CALCOCO1: variants seen among roughly 807,000 people sequenced by gnomAD.
CALCOCO1 encodes the protein calcium-binding and coiled-coil domain-containing protein 1.
In CALCOCO1, 44 loss-of-function variants were observed where a neutral mutation model predicts 86.3. That is an observed-to-expected ratio of 0.51 (90% CI 0.40 to 0.66). CALCOCO1 has a LOEUF of 0.66. Among genes scored for constraint, CALCOCO1 ranks in the 30% least tolerant of loss-of-function variants. CALCOCO1 has a pLI of 0.00. For missense variants in CALCOCO1, 708 were observed against 851.1 expected, an observed-to-expected ratio of 0.83 and a Z score of 2.09; for synonymous variants, 297 against 327.6, an observed-to-expected ratio of 0.91 and a Z score of 1.01.
Position 53,714,707 on chromosome 12 carries a change from GC to G in CALCOCO1, c.1387-15del. On this transcript the variant is annotated splice_polypyrimidine_tract_variant and intron_variant, in intron 10 of 14. Coordinates refer to ENST00000550804, the MANE Select transcript of CALCOCO1 (RefSeq NM_020898.3). Reference sequence around the variant, plus strand: ...TGACAACTGTACCTGAGGGAAGAGGGCCCAATGGAATCTGGAGCCTAGAATG... The same window carrying G: ...TGACAACTGTACCTGAGGGAAGAGGGCCAATGGAATCTGGAGCCTAGAATG... The G allele has an allele frequency of 6.3e-7, 1 of 1,594,478 alleles. No individual in the cohort carries two copies. The highest frequency in any genetic ancestry group is 8.6e-7 in the Non-Finnish European group (1 of 1,163,486).
At chr12:53,713,024 T>C in intron 14 of CALCOCO1, 76 bp downstream of exon 14, 1 of 1,396,614 alleles carries the variant, frequency 7.2e-7, no homozygotes, top group Non-Finnish European at 1.0e-6. Flanking sequence ...GAGCAGGGCC[T>C]GGTGACTGTC....
intron 5 of CALCOCO1, 64 bp from the exon 6 acceptor site, chr12:53,721,679 A>C (rs1945871664): frequency 6.3e-7 from 1 of 1,589,792 alleles, no homozygotes; most frequent in African/African-American, 1.4e-5. Context: ...TGGTGGAACA[A>C]AGGCTTAGGA....
intron 14 of CALCOCO1, chr12:53,712,884 T>G: frequency 1.4e-6 from 2 of 1,463,982 alleles, no homozygotes; most frequent in Non-Finnish European, 1.8e-6. Flanking sequence ...GCAGGACCTC[T>G]GAGTGCATTG....
intron 1 of CALCOCO1, chr12:53,726,153 T>C (rs1359327161): frequency 6.6e-6 from 1 of 152,070 alleles, no homozygotes; most frequent in Non-Finnish European, 1.5e-5. Flanking sequence ...AGTGGAAATG[T>C]ATATTTAACG....
At chr12:53,722,806 AT>A (rs1380181720) in intron 4 of CALCOCO1, 1 of 383,530 alleles carries the variant, frequency 2.6e-6, no homozygotes, top group Non-Finnish European at 5.1e-6. Context: ...CATCTGTAAC[AT>A]GATCCCTTAG....
rs11832171 is a variant in CALCOCO1 at position 53,713,621 on chromosome 12, G to A, written c.1791+80C>T. On this transcript the variant is annotated intron_variant, in intron 13 of 14. Transcript: ENST00000550804. Reference sequence around the variant, plus strand: ...GCAGAGGCTGCAGTGAGCCAAGATCGTGCTGCACTCCAGGCTGGGACACTT... The same window carrying A: ...GCAGAGGCTGCAGTGAGCCAAGATCATGCTGCACTCCAGGCTGGGACACTT... The A allele has an allele frequency of 2.4e-3, 3,117 of 1,283,300 alleles. 73 individuals carry two copies. In the African/African-American group the frequency reaches 0.039, roughly 16 times the overall value. 79.5% of individuals were successfully genotyped at this position (1,283,300 alleles called of 1,614,324 possible). A position where few individuals can be genotyped will look rare whatever the true frequency, so the allele number is the denominator to read the frequency against.
chr12:53,718,003 C>A (rs1945771714), intron 7 of CALCOCO1, among the ~76,000 whole-genome samples: 1 of 152,142 alleles, frequency 6.6e-6, no homozygotes, highest in African/African-American at 2.4e-5. Flanking sequence ...CCAGCCTGGG[C>A]AACAAGATGA....
chr12:53,714,576 G>A, intron 11 of CALCOCO1, 22 bp downstream of exon 11: 1 of 1,587,384 alleles, frequency 6.3e-7, no homozygotes, highest in Non-Finnish European at 8.7e-7. Flanking sequence ...GCATCCACGG[G>A]GCCTGGGTTA....
chr12:53,709,369 C>T lies in CALCOCO1; in HGVS notation c.*2575G>A, dbSNP rs1945509776. 1 of 152,210 alleles carries T rather than the reference C, an allele frequency of 6.6e-6. No homozygotes were observed. Among genetic ancestry groups the T allele is most frequent in the South Asian group, 2.1e-4 (1 of 4,836 alleles). 9.4% of individuals were successfully genotyped at this position (152,210 alleles called of 1,614,324 possible). A position where few individuals can be genotyped will look rare whatever the true frequency, so the allele number is the denominator to read the frequency against. The stretch of plus-strand genomic sequence containing the variant: ...TGTGTCGGGGACCATGCTTTGGATA[C>T]TGGGATAGGCAAACCATGAGTAAGG... On this transcript the variant is annotated 3_prime_UTR_variant, in exon 15 of 15. Transcript: ENST00000550804.
At chr12:53,718,805 C>T (rs895105543) in intron 7 of CALCOCO1, among the ~76,000 whole-genome samples, 1 of 148,916 alleles carries the variant, frequency 6.7e-6, no homozygotes, top group African/African-American at 2.5e-5. Flanking sequence ...GTTATGATCA[C>T]AGGTGTGAGC....
At position 53,710,610 on chromosome 12, in the gene CALCOCO1, A is replaced by G. The variant is rs1701278822; in HGVS notation, c.*1334T>C. ...GTTGAGGCAGAGTGTGCATACAGGTATGAGGGGATGGCAACAGAGAAAGAA... is the reference window on the plus strand; with the variant it reads ...GTTGAGGCAGAGTGTGCATACAGGTGTGAGGGGATGGCAACAGAGAAAGAA... On this transcript the variant is annotated 3_prime_UTR_variant, in exon 15 of 15. Coordinates refer to ENST00000550804, the MANE Select transcript of CALCOCO1 (RefSeq NM_020898.3). 1.3e-5 allele frequency: 2 copies of G among 152,446 alleles called. No individual in the cohort carries two copies. The highest frequency in any genetic ancestry group is 2.9e-5 in the Non-Finnish European group (2 of 68,150). 9.4% of individuals were successfully genotyped at this position (152,446 alleles called of 1,614,324 possible).
rs748822880 is a variant in CALCOCO1 at position 53,713,822 on chromosome 12, C to T, written c.1670G>A (p.Arg557His). 19 of 1,568,920 alleles carry T rather than the reference C, an allele frequency of 1.2e-5. No individual in the cohort carries two copies. The highest frequency in any genetic ancestry group is 1.7e-4 in the Middle Eastern group (1 of 5,816). ...AGCAGGAGAGGAGCCTGGGTCTCCACGCTCACAAAGGCCATAGGGTGGGAG... is the reference window on the plus strand; with the variant it reads ...AGCAGGAGAGGAGCCTGGGTCTCCATGCTCACAAAGGCCATAGGGTGGGAG... ...MRLPPYGLCE[R>H]GDPGSSPAGP... The change falls in exon 13 of 15, where the codon CGT (arginine) becomes CAT (histidine). Residue 557 changes from arginine to histidine, a missense_variant. By Grantham distance (29) the Arg-to-His change is conservative. Coordinates refer to ENST00000550804, the MANE Select transcript of CALCOCO1 (RefSeq NM_020898.3).
At chr12:53,713,591 A>G in intron 13 of CALCOCO1, 110 bp downstream of exon 13, 2 of 1,026,152 alleles carry the variant, frequency 1.9e-6, no homozygotes, top group African/African-American at 3.2e-5. Context: ...GCTTCAGCCC[A>G]GGAGGCAGAG....
chr12:53,715,376 G>C (rs1945697281), intron 9 of CALCOCO1, 51 bp from the exon 10 acceptor site: 4 of 1,609,476 alleles, frequency 2.5e-6, no homozygotes, highest in Non-Finnish European at 2.5e-6. Context: ...GAAGAAAAAG[G>C]AACGCCACTG....
intron 7 of CALCOCO1, among the ~76,000 whole-genome samples, chr12:53,718,656 G>A (rs909774035): frequency 6.6e-6 from 1 of 152,040 alleles, no homozygotes; most frequent in African/African-American, 2.4e-5. Flanking sequence ...AGCTTCCTGA[G>A]TAGCTGGGAC....
chr12:53,716,530 C>A, intron 7 of CALCOCO1, 115 bp from the exon 8 acceptor site: 1 of 1,088,802 alleles, frequency 9.2e-7, no homozygotes, highest in Non-Finnish European at 1.3e-6. Context: ...AACACACACT[C>A]AAGCCTTCAG....
Position 53,721,605 on chromosome 12 carries a change from C to T in CALCOCO1, c.620G>A (p.Arg207Gln), listed in dbSNP as rs1454964318. 1.2e-5 allele frequency: 20 copies of T among 1,613,660 alleles called. No individual in the cohort carries two copies. The highest frequency in any genetic ancestry group is 1.1e-4 in the South Asian group (10 of 91,036). Residue 207 changes from arginine to glutamine, a missense_variant, in exon 6 of 15, where the codon CGG (arginine) becomes CAG (glutamine). Transcript: ENST00000550804. ...ELMEQYKGISRSHGEITEERD... is the reference protein window; with the variant it reads ...ELMEQYKGISQSHGEITEERD... Reference sequence around the variant, plus strand: ...CTCTTCTGTGATCTCCCCATGGGACCGGGAAATCCCCTGAAATTAAGTTTC... The same window carrying T: ...CTCTTCTGTGATCTCCCCATGGGACTGGGAAATCCCCTGAAATTAAGTTTC...
rs1945511882 is a variant in CALCOCO1, at chr12:53,709,530, G to A, written c.*2414C>T. 2 of 152,360 alleles carry A rather than the reference G, an allele frequency of 1.3e-5. No homozygotes were observed. 9.4% of individuals were successfully genotyped at this position (152,360 alleles called of 1,614,324 possible). A position where few individuals can be genotyped will look rare whatever the true frequency, so the allele number is the denominator to read the frequency against. The stretch of plus-strand genomic sequence containing the variant: ...ATGTTGAGGAGCCTGGTGGGGGGTT[G>A]GGGGGCTTCATGGAGGAGGGGAGTA... On this transcript the variant is annotated 3_prime_UTR_variant, in exon 15 of 15. Coordinates refer to ENST00000550804, the MANE Select transcript of CALCOCO1 (RefSeq NM_020898.3).
chr12:53,718,941 G>C (rs976785682), intron 7 of CALCOCO1, among the ~76,000 whole-genome samples: 3 of 145,796 alleles, frequency 2.1e-5, no homozygotes, highest in African/African-American at 5.1e-5. Context: ...TCTGCCTCCC[G>C]GGTTCAAGTG....
Sources: allele counts gnomAD v4.1 joint callset (sites outside exome capture counted in the v4.1 genomes callset), GRCh38; gene constraint gnomAD v4.1.1; transcripts MANE v1.5; gene names NCBI Gene and HGNC (gene_info 2026-07-23, HGNC 2026-07-21).